The following TMEM135 variants were observed in gnomAD, a reference collection of about 807,000 sequenced individuals.
The protein encoded by TMEM135 is peroxisomal membrane protein 52.
Under a neutral mutation model 60.3 loss-of-function variants are expected in TMEM135, and 30 were observed. That is an observed-to-expected ratio of 0.50 (90% CI 0.37 to 0.68). TMEM135 has a LOEUF of 0.68. Ranked by LOEUF, TMEM135 falls within the 30% of genes least tolerant of loss-of-function variation. TMEM135 has a pLI of 0.00. For synonymous variants in TMEM135, 190 were observed against 186.7 expected (o/e 1.02, Z -0.14); for missense variants, 468 against 548.8 (o/e 0.85, Z 1.47).
chr11:87,197,238 A>C (rs1299661883), intron 5 of TMEM135, among the ~76,000 whole-genome samples: 2 of 152,134 alleles, frequency 1.3e-5, no homozygotes, highest in Non-Finnish European at 2.9e-5. Context: ...TATTATGTTT[A>C]GAAGTTTCCT....
At chr11:87,272,823 T>C (rs1180615243) in intron 6 of TMEM135, among the ~76,000 whole-genome samples, 2 of 152,210 alleles carry the variant, frequency 1.3e-5, no homozygotes, top group African/African-American at 4.8e-5. Context: ...ATTTTATTTT[T>C]AATTGTTACA....
intron 4 of TMEM135, among the ~76,000 whole-genome samples, chr11:87,129,382 A>G (rs898332602): frequency 4.6e-5 from 7 of 151,514 alleles, no homozygotes; most frequent in Non-Finnish European, 1.0e-4. Flanking sequence ...AGCTGGGACT[A>G]CAGTCGCACA....
intron 10 of TMEM135, among the ~76,000 whole-genome samples, chr11:87,310,624 TAAAAA>T (rs11317985): frequency 7.7e-6 from 1 of 130,472 alleles, no homozygotes; most frequent in Admixed American, 7.7e-5. Context: ...AAGTTGCAAT[TAAAAA>T]AAAAAAAAAA....
intron 6 of TMEM135, among the ~76,000 whole-genome samples, chr11:87,279,140 A>T (rs1444884966): frequency 1.3e-5 from 2 of 151,244 alleles, no homozygotes; most frequent in Admixed American, 6.6e-5. Flanking sequence ...TTTTTTTTTC[A>T]TTTGGCAATT....
At chr11:87,148,275 A>G (rs1938467814) in intron 4 of TMEM135, among the ~76,000 whole-genome samples, 1 of 152,206 alleles carries the variant, frequency 6.6e-6, no homozygotes, top group African/African-American at 2.4e-5. Flanking sequence ...GGTACAAGGA[A>G]ATGAAAAGCA....
At chr11:87,316,262 A>G (rs1002374955) in intron 12 of TMEM135, among the ~76,000 whole-genome samples, 5 of 149,874 alleles carry the variant, frequency 3.3e-5, no homozygotes, top group African/African-American at 4.9e-5. Flanking sequence ...CTTTACCCAA[A>G]TATATGTGTG....
intron 4 of TMEM135, among the ~76,000 whole-genome samples, chr11:87,123,984 T>C (rs1937649266): frequency 6.6e-6 from 1 of 152,200 alleles, no homozygotes; most frequent in Non-Finnish European, 1.5e-5. Flanking sequence ...CACCTGAAAC[T>C]AAGTGATGAT....
intron 4 of TMEM135, among the ~76,000 whole-genome samples, chr11:87,130,504 T>A (rs1346482705): frequency 6.6e-6 from 1 of 152,108 alleles, no homozygotes; most frequent in Non-Finnish European, 1.5e-5. Context: ...ATATTGACAG[T>A]TCCTCCTTGT....
intron 10 of TMEM135, 121 bp from the exon 11 acceptor site, chr11:87,313,304 T>G: frequency 5.9e-5 from 44 of 751,222 alleles, no homozygotes; most frequent in Middle Eastern, 7.7e-4. Context: ...TTGATTTAGA[T>G]GAGATCACTA....
intron 7 of TMEM135, among the ~76,000 whole-genome samples, chr11:87,301,100 G>A (rs1455876871): frequency 2.0e-5 from 3 of 152,156 alleles, no homozygotes; most frequent in African/African-American, 4.8e-5. Context: ...GCCATCTGGT[G>A]ACAAACAAAA....
At chr11:87,134,160 A>G (rs1938020601) in intron 4 of TMEM135, among the ~76,000 whole-genome samples, 1 of 152,046 alleles carries the variant, frequency 6.6e-6, no homozygotes, top group African/African-American at 2.4e-5. Flanking sequence ...GGCGTTGGCA[A>G]GGTTGGTTTT....
chr11:87,249,882 A>G (rs1367559659), intron 6 of TMEM135, among the ~76,000 whole-genome samples: 1 of 151,962 alleles, frequency 6.6e-6, no homozygotes, highest in East Asian at 1.9e-4. Flanking sequence ...TTTGAGTAGG[A>G]TTGGTATTAG....
chr11:87,309,755 A>AT, intron 10 of TMEM135, 83 bp downstream of exon 10: 1 of 1,415,226 alleles, frequency 7.1e-7, no homozygotes, highest in East Asian at 2.3e-5. Context: ...TAGTTCACTT[A>AT]TTTTTTAATG....
intron 1 of TMEM135, among the ~76,000 whole-genome samples, chr11:87,039,963 G>T (rs1455087606): frequency 6.6e-6 from 1 of 152,128 alleles, no homozygotes; most frequent in Non-Finnish European, 1.5e-5. Flanking sequence ...GTAGGTTGGG[G>T]GTGTTCAGGA....
chr11:87,136,774 G>T (rs1378474500), intron 4 of TMEM135, among the ~76,000 whole-genome samples: 2 of 151,618 alleles, frequency 1.3e-5, no homozygotes, highest in Non-Finnish European at 1.5e-5. Context: ...CATTTAAGTT[G>T]TCAATTAATA....
intron 6 of TMEM135, among the ~76,000 whole-genome samples, chr11:87,284,449 G>C (rs1052789260): frequency 2.6e-5 from 4 of 152,160 alleles, no homozygotes; most frequent in Non-Finnish European, 5.9e-5. Context: ...GATTCTATTG[G>C]AGTTGTTGCT....
chr11:87,141,531 G>A (rs189284106), intron 4 of TMEM135, among the ~76,000 whole-genome samples: 1 of 152,096 alleles, frequency 6.6e-6, no homozygotes, highest in African/African-American at 2.4e-5. Context: ...CATTTGTAAA[G>A]TTTTATTGCT....
intron 6 of TMEM135, among the ~76,000 whole-genome samples, chr11:87,288,668 T>G (rs1012871336): frequency 1.4e-4 from 5 of 35,776 alleles, no homozygotes; most frequent in African/African-American, 4.7e-4. Context: ...TTACTTTTAG[T>G]TTTTTTATAT....
chr11:87,313,605 A>G (rs1266305642), intron 11 of TMEM135, 117 bp downstream of exon 11: 25 of 922,334 alleles, frequency 2.7e-5, no homozygotes, highest in Non-Finnish European at 4.0e-5. Flanking sequence ...ATCGTAATAG[A>G]ATTCCAGTTG....
Sources: gnomAD v4.1 joint callset for allele counts (sites outside exome capture counted in the v4.1 genomes callset) on GRCh38, gnomAD v4.1.1 for gene constraint, MANE v1.5 for transcripts, NCBI Gene and HGNC (gene_info 2026-07-23, HGNC 2026-07-21) for gene names.